Variants in FYB1 observed in about 807,000 individuals in gnomAD.
FYB1 encodes FYN binding protein 1, also known as FYN-binding protein 1.
FYB1 carries 41 observed loss-of-function variants against 94.1 expected under a neutral mutation model. The ratio of observed to expected loss-of-function variants is 0.44; its 90% confidence interval spans 0.34 to 0.57. The LOEUF (loss-of-function observed/expected upper bound fraction) is 0.57. FYB1 is among the 20% of genes least tolerant of loss of function. The pLI is 0.02. For synonymous variants in FYB1, 367 were observed against 353.2 expected, an observed-to-expected ratio of 1.04 and a Z score of -0.44; for missense variants, 1,050 against 976.8, an observed-to-expected ratio of 1.07 and a Z score of -1.00.
intron 2 of FYB1, among the ~76,000 whole-genome samples, chr5:39,178,174 A>G (rs1365221584): frequency 1.3e-5 from 2 of 152,232 alleles, no homozygotes; most frequent in African/African-American, 4.8e-5. Context: ...TGTGAATTAT[A>G]CTTTTCCTTT....
chr5:39,115,061 A>G (rs1332836806), intron 16 of FYB1, among the ~76,000 whole-genome samples: 1 of 151,800 alleles, frequency 6.6e-6, no homozygotes, highest in Non-Finnish European at 1.5e-5. Flanking sequence ...TGGGCATTCC[A>G]AGTTGAATAA....
At chr5:39,189,863 TC>T (rs1359772948) in intron 2 of FYB1, among the ~76,000 whole-genome samples, 3 of 152,144 alleles carry the variant, frequency 2.0e-5, no homozygotes, top group Non-Finnish European at 4.4e-5. Flanking sequence ...AACTGCTGAG[TC>T]CTTGTTTAGG....
rs1760385580 is a variant in FYB1, at chr5:39,106,516, T to C, written c.*927A>G. 6.6e-6 allele frequency: 1 copy of C among 151,890 alleles called. No individual in the cohort carries two copies. The highest frequency in any genetic ancestry group is 1.5e-5 in the Non-Finnish European group (1 of 67,938). The allele number at this position is 151,890 out of a possible 1,614,324, so 9.4% of individuals were successfully genotyped here. On this transcript the variant is annotated 3_prime_UTR_variant, in exon 19 of 19. Coordinates refer to ENST00000512982, the MANE Select transcript of FYB1 (RefSeq NM_001465.6). ...TTCTACTCCCTCTGCTGGCCAACTT[T>C]CCAGTAAAATGGATTTTAAAAAAAG...
intron 13 of FYB1, 126 bp from the exon 14 acceptor site, chr5:39,122,528 G>GTAAA (rs1740226310): frequency 3.5e-6 from 2 of 570,716 alleles, no homozygotes; most frequent in Non-Finnish European, 6.2e-6. Context: ...TAGTGTCTCG[G>GTAAA]TAAATTTCTC....
intron 2 of FYB1, among the ~76,000 whole-genome samples, chr5:39,178,930 T>C (rs17465384): frequency 0.17 from 26,207 of 152,176 alleles, 2,481 homozygotes; most frequent in Non-Finnish European, 0.21. Flanking sequence ...TGGCTGAGTT[T>C]GAAAATCTTC....
At chr5:39,261,916 G>A (rs1411603651) in intron 1 of FYB1, among the ~76,000 whole-genome samples, 6 of 152,112 alleles carry the variant, frequency 3.9e-5, no homozygotes, top group Admixed American at 1.3e-4. Flanking sequence ...ACAAGCTAAC[G>A]TAAATAATAC....
intron 2 of FYB1, among the ~76,000 whole-genome samples, chr5:39,185,579 C>CATATATACAT (rs1200619252): frequency 7.1e-6 from 1 of 141,116 alleles, no homozygotes. Context: ...TATATATATA[C>CATATATACAT]ATATATACAT....
chr5:39,205,274 C>T (rs1579672299), intron 1 of FYB1, among the ~76,000 whole-genome samples: 2 of 152,222 alleles, frequency 1.3e-5, no homozygotes, highest in East Asian at 3.9e-4. Flanking sequence ...AACCAGGTGG[C>T]CTGGGTTTGA....
chr5:39,109,441 A>T (rs1359747709), intron 17 of FYB1, among the ~76,000 whole-genome samples: 3 of 152,100 alleles, frequency 2.0e-5, no homozygotes, highest in Non-Finnish European at 4.4e-5. Context: ...TTTGCCACAC[A>T]TTCTGTCCTT....
intron 9 of FYB1, 116 bp from the exon 10 acceptor site, chr5:39,130,728 C>G: frequency 1.2e-6 from 1 of 800,480 alleles, no homozygotes; most frequent in South Asian, 1.6e-5. Flanking sequence ...GTCGAAAGTT[C>G]TTAGAATGCT....
chr5:39,113,977 G>A (rs753245535), intron 16 of FYB1, among the ~76,000 whole-genome samples: 1 of 151,726 alleles, frequency 6.6e-6, no homozygotes, highest in Non-Finnish European at 1.5e-5. Flanking sequence ...ATATTTGGAC[G>A]ACATTTTAAC....
chr5:39,178,549 C>T (rs780410322), intron 2 of FYB1, among the ~76,000 whole-genome samples: 8 of 152,142 alleles, frequency 5.3e-5, no homozygotes, highest in Non-Finnish European at 1.0e-4. Flanking sequence ...GCCTCTGAAT[C>T]TTCACTGTAA....
In FYB1 at chr5:39,148,381, G is replaced by GTTTTTTTTT. The variant is rs538508812; in HGVS notation, c.1292+5058_1292+5066dup. Among the ~76,000 whole-genome samples the GTTTTTTTTT allele has an allele frequency of 5.0e-4, 19 of 38,174 alleles. 5 individuals are homozygous for GTTTTTTTTT. The highest frequency in any genetic ancestry group is 2.1e-3 in the Admixed American group (6 of 2,842). 25.0% of individuals were successfully genotyped at this position (38,174 alleles called of 152,430 possible). On this transcript the variant is annotated intron_variant, in intron 3 of 18. Transcript: ENST00000512982. ...GCATTTAGCTTTTAATTATCAGCAGGTTTTTTTTTTTTTTTTTTTTTTTTT... is the reference window on the plus strand; with the variant it reads ...GCATTTAGCTTTTAATTATCAGCAGGTTTTTTTTTTTTTTTTTTTTTTTTTTTTTTTTTT...
chr5:39,134,221 C>T lies in FYB1; in HGVS notation c.1804G>A (p.Asp602Asn), dbSNP rs755346611. The change falls in exon 9 of 19, where the codon GAT (aspartate) becomes AAT (asparagine). Residue 602 changes from aspartate to asparagine, a missense_variant. Asp to Asn is a conservative substitution (Grantham distance 23, BLOSUM62 1). Transcript: ENST00000512982. ...ACTTGCACATACCTGCTAATATCAT[C>T]CTGCTCTGCAACATCATCATATACT... ...QEVYDDVAEQ[D>N]DISSHSQSGS... 1 of 1,610,560 alleles carries T rather than the reference C, an allele frequency of 6.2e-7. No homozygotes were observed. The highest frequency in any genetic ancestry group is 2.2e-5 in the East Asian group (1 of 44,732).
chr5:39,148,158 TATATATATA>T (rs1561175402), intron 3 of FYB1, among the ~76,000 whole-genome samples: 61 of 5,190 alleles, frequency 0.012, no homozygotes, highest in Non-Finnish European at 0.02. Context: ...GTATTTTTTA[TATATATATA>T]TATATATATA....
chr5:39,215,682 C>T (rs548762083), intron 1 of FYB1, among the ~76,000 whole-genome samples: 1 of 152,324 alleles, frequency 6.6e-6, no homozygotes, highest in South Asian at 2.1e-4. Flanking sequence ...AAAAGAGTGG[C>T]AGAAATTCAG....
At chr5:39,260,849 A>G (rs1752179733) in intron 1 of FYB1, among the ~76,000 whole-genome samples, 3 of 152,068 alleles carry the variant, frequency 2.0e-5, no homozygotes, top group Non-Finnish European at 4.4e-5. Context: ...ATCCTCATAA[A>G]TTCTGCCCTG....
At position 39,131,019 on chromosome 5, in the gene FYB1, C is replaced by A. The variant is rs73749425; in HGVS notation, c.1818-407G>T. Among the ~76,000 whole-genome samples the A allele has an allele frequency of 2.2e-3, 334 of 152,146 alleles. 2 individuals carry two copies. Among genetic ancestry groups the A allele is most frequent in the African/African-American group, 7.8e-3 (324 of 41,506 alleles). On this transcript the variant is annotated intron_variant, in intron 9 of 18. Coordinates refer to ENST00000512982, the MANE Select transcript of FYB1 (RefSeq NM_001465.6). ...TGTTGCATTAAATTAAATTATCTTT[C>A]AATATCTTTTGACCACAGCATTTTA...
rs543475656 is a variant in FYB1, at chr5:39,271,994, C to T, written c.-28+2409G>A. 8.5e-5 allele frequency among the ~76,000 whole-genome samples: 13 copies of T among 152,082 alleles called. No homozygotes were observed. The South Asian group carries it at 2.8e-3, about 32-fold the overall frequency. On this transcript the variant is annotated intron_variant, in intron 1 of 1. Coordinates refer to the FYB1 transcript ENST00000510188. ...CACTAGAAAGCCTCTTATCTACTGT[C>T]TGTTAGAATAGAGATCATCAAAGTG...
Sources: allele counts gnomAD v4.1 joint callset (sites outside exome capture counted in the v4.1 genomes callset), GRCh38; gene constraint gnomAD v4.1.1; transcripts MANE v1.5; gene names NCBI Gene and HGNC (gene_info 2026-07-23, HGNC 2026-07-21).